The following MBOAT7 variants were observed in gnomAD, a reference collection of about 807,000 sequenced individuals.
MBOAT7 encodes the protein membrane bound acylglycerophosphatidylinositol O-acyltransferase MBOAT7.
Under a neutral mutation model 47.4 loss-of-function variants are expected in MBOAT7, and 40 were observed. That is an observed-to-expected ratio of 0.84 (90% CI 0.66 to 1.10). MBOAT7 has a LOEUF of 1.10. MBOAT7 is among the 50% of genes least tolerant of loss of function. The pLI, the probability that MBOAT7 is intolerant of heterozygous loss-of-function variation, is 0.00. For synonymous variants in MBOAT7, 361 were observed against 292.0 expected, an observed-to-expected ratio of 1.24 and a Z score of -2.41; for missense variants, 680 against 655.6, an observed-to-expected ratio of 1.04 and a Z score of -0.41.
At chr19:54,187,951 G>A (rs2076476369) in intron 3 of MBOAT7, among the ~76,000 whole-genome samples, 2 of 151,730 alleles carry the variant, frequency 1.3e-5, no homozygotes, top group South Asian at 4.2e-4. Flanking sequence ...GGAGGTGGAG[G>A]TTGCAGTGAG....
At chr19:54,175,016 C>T (rs555702558) in intron 7 of MBOAT7, among the ~76,000 whole-genome samples, 119 of 149,904 alleles carry the variant, frequency 7.9e-4, no homozygotes, top group African/African-American at 2.9e-3. Context: ...CGCTCTGTCG[C>T]CCAGGCTAGA....
At chr19:54,174,981 T>G (rs1405118041) in intron 7 of MBOAT7, among the ~76,000 whole-genome samples, 1 of 150,666 alleles carries the variant, frequency 6.6e-6, no homozygotes, top group Non-Finnish European at 1.5e-5. Context: ...AGTGGTTTTT[T>G]TTTTTTTTTT....
In MBOAT7 at chr19:54,185,018, C is replaced by T. The variant is rs149274101; in HGVS notation, c.334-1338G>A. On this transcript the variant is annotated intron_variant, in intron 4 of 7. Coordinates refer to ENST00000245615, the MANE Select transcript of MBOAT7 (RefSeq NM_024298.5). ...TGATGTCAGGGGTTTGAGACCAGCC[C>T]GGCCAACATGGTGAAACCCCATCTC... is the stretch of plus-strand genomic sequence containing the variant. Among the ~76,000 whole-genome samples the T allele has an allele frequency of 4.5e-3, 682 of 151,556 alleles. 4 individuals are homozygous for T. Among genetic ancestry groups the T allele is most frequent in the African/African-American group, 0.016 (659 of 41,274 alleles).
At chr19:54,185,233 T>C (rs943506300) in intron 4 of MBOAT7, among the ~76,000 whole-genome samples, 1 of 152,076 alleles carries the variant, frequency 6.6e-6, no homozygotes, top group Non-Finnish European at 1.5e-5. Context: ...AAAAAATTAA[T>C]TTTTTGTAGA....
At chr19:54,184,100 C>T (rs1056477407) in intron 4 of MBOAT7, among the ~76,000 whole-genome samples, 2 of 151,794 alleles carry the variant, frequency 1.3e-5, no homozygotes, top group Non-Finnish European at 2.9e-5. Flanking sequence ...CAACAGGCCA[C>T]CAAATTGTTC....
At chr19:54,184,333 G>A (rs954318433) in intron 4 of MBOAT7, among the ~76,000 whole-genome samples, 2 of 151,794 alleles carry the variant, frequency 1.3e-5, no homozygotes, top group Admixed American at 1.3e-4. Context: ...TGCCCGCCTT[G>A]AAATCCCTTA....
chr19:54,182,942 C>T (rs932728744), intron 5 of MBOAT7, among the ~76,000 whole-genome samples: 1 of 152,194 alleles, frequency 6.6e-6, no homozygotes, highest in African/African-American at 2.4e-5. Flanking sequence ...CTCAGGTGAT[C>T]TGCCTGTCTC....
In MBOAT7 at chr19:54,179,039, G is replaced by C; in HGVS notation, c.855-98C>G. On this transcript the variant is annotated intron_variant, in intron 6 of 7. Coordinates refer to ENST00000245615, the MANE Select transcript of MBOAT7 (RefSeq NM_024298.5). ...TCCCAGCCCCGGATGCTAAGGAAGG[G>C]ATCCTGGCCAGGCAATGGCCCTCTG... 2.0e-6 allele frequency: 3 copies of C among 1,492,096 alleles called. No individual in the cohort carries two copies. In the South Asian group the frequency reaches 3.9e-5, roughly 19 times the overall value. The allele number at this position is 1,492,096 out of a possible 1,614,324, so 92.4% of individuals were successfully genotyped here. A position where few individuals can be genotyped will look rare whatever the true frequency, so the allele number is the denominator to read the frequency against.
At chr19:54,176,287 C>A (rs1334248433) in intron 7 of MBOAT7, among the ~76,000 whole-genome samples, 2 of 152,176 alleles carry the variant, frequency 1.3e-5, no homozygotes, top group Non-Finnish European at 2.9e-5. Context: ...TTGCACCTGG[C>A]CAACTCTTGT....
chr19:54,174,947 C>T (rs1053537576), intron 7 of MBOAT7, among the ~76,000 whole-genome samples: 2 of 151,658 alleles, frequency 1.3e-5, no homozygotes, highest in Non-Finnish European at 2.9e-5. Context: ...CTCCCAGGAC[C>T]AACAAGTCTT....
chr19:54,174,100 G>A lies in MBOAT7; in HGVS notation c.1363C>T (p.Arg455Trp), dbSNP rs142954889. 2.3e-5 allele frequency: 37 copies of A among 1,606,276 alleles called. No individual in the cohort carries two copies. Among genetic ancestry groups the A allele is most frequent in the Admixed American group, 2.0e-4 (12 of 58,916 alleles). Reference sequence around the variant, plus strand: ...CTGGTGGGCTGGGATGCTGCCTTCCGCCGGCTGGGGCTGCCCCCACCTAAA... The same window carrying A: ...CTGGTGGGCTGGGATGCTGCCTTCCACCGGCTGGGGCTGCCCCCACCTAAA... ...LALGGGSPSR[R>W]KAASQPTSLA... Residue 455 changes from arginine (R) to tryptophan (W), a missense_variant, in exon 8 of 8, where the codon CGG becomes TGG. By Grantham distance (101) the Arg-to-Trp change is moderately radical (BLOSUM62 -3). Transcript: ENST00000245615.
At chr19:54,177,918 T>G (rs2076156624) in intron 7 of MBOAT7, among the ~76,000 whole-genome samples, 1 of 127,614 alleles carries the variant, frequency 7.8e-6, no homozygotes, top group Non-Finnish European at 1.7e-5. Context: ...TTTTTTTTTT[T>G]TTTTTTTTTT....
intron 7 of MBOAT7, among the ~76,000 whole-genome samples, chr19:54,176,643 A>T (rs1172192522): frequency 1.3e-5 from 2 of 152,142 alleles, no homozygotes; most frequent in African/African-American, 4.8e-5. Flanking sequence ...ACATGTCTCC[A>T]GGGATTGCCA....
Position 54,173,584 on chromosome 19 carries a change from T to C in MBOAT7, c.*460A>G, listed in dbSNP as rs777441618. 36 of 180,728 alleles carry C rather than the reference T, an allele frequency of 2.0e-4. No individual in the cohort carries two copies. Among genetic ancestry groups the C allele is most frequent in the Non-Finnish European group, 3.2e-4 (28 of 86,636 alleles). 11.2% of individuals were successfully genotyped at this position (180,728 alleles called of 1,614,324 possible). A position where few individuals can be genotyped will look rare whatever the true frequency, so the allele number is the denominator to read the frequency against. On this transcript the variant is annotated 3_prime_UTR_variant, in exon 8 of 8. Coordinates refer to ENST00000245615, the MANE Select transcript of MBOAT7 (RefSeq NM_024298.5). ...GCACCTCAGTTTCCCCTTTGTGAAA[T>C]GGGAAGCTTATGCTTCCTTCCAAGT...
At chr19:54,181,625 G>GGAA (rs2076273583) in intron 5 of MBOAT7, among the ~76,000 whole-genome samples, 1 of 133,608 alleles carries the variant, frequency 7.5e-6, no homozygotes, top group African/African-American at 2.9e-5. Context: ...CAGGGAGGGA[G>GGAA]GGAGGGAGGG....
At chr19:54,185,227 A>T (rs1483948723) in intron 4 of MBOAT7, among the ~76,000 whole-genome samples, 1 of 152,090 alleles carries the variant, frequency 6.6e-6, no homozygotes, top group Non-Finnish European at 1.5e-5. Context: ...ACATTTAAAA[A>T]ATTAATTTTT....
rs1600644214 is a variant in MBOAT7 at position 54,178,909 on chromosome 19, T to C, written c.887A>G (p.Tyr296Cys). The C allele has an allele frequency of 3.7e-6, 6 of 1,613,268 alleles. No homozygotes were observed. The highest frequency in any genetic ancestry group is 1.3e-5 in the African/African-American group (1 of 75,018). ...GCAGTCGATGTTGCGGATGGTCTCA[T>C]AGTCATACTCCAAGGAAGCCGCCTT... ...PEKAASLEYD[Y>C]ETIRNIDCYS... The change falls in exon 7 of 8, where the codon TAT (tyrosine) becomes TGT (cysteine). Residue 296 changes from tyrosine to cysteine, a missense_variant. Tyr to Cys is a radical substitution (Grantham distance 194, BLOSUM62 -2). Coordinates refer to ENST00000245615, the MANE Select transcript of MBOAT7 (RefSeq NM_024298.5).
At chr19:54,179,139 G>C (rs767345652) in intron 6 of MBOAT7, 198 bp from the exon 7 acceptor site, 8 of 659,832 alleles carry the variant, frequency 1.2e-5, no homozygotes, top group Admixed American at 5.9e-5. Flanking sequence ...GGGTGGGCTG[G>C]GTGGTACAGT....
chr19:54,178,545 G>C (rs777804532), intron 7 of MBOAT7: 4 of 1,423,984 alleles, frequency 2.8e-6, no homozygotes, highest in Non-Finnish European at 2.7e-6. Flanking sequence ...GAGTGAGGCT[G>C]ACTTTACAGA....
Sources: allele counts gnomAD v4.1 joint callset (sites outside exome capture counted in the v4.1 genomes callset), GRCh38; gene constraint gnomAD v4.1.1; transcripts MANE v1.5; gene names NCBI Gene and HGNC (gene_info 2026-07-23, HGNC 2026-07-21).